Variants in DNER observed in about 807,000 individuals in gnomAD.
The protein encoded by DNER is delta and Notch-like epidermal growth factor-related receptor.
In DNER, 33 loss-of-function variants were observed where a neutral mutation model predicts 78.2. That is an observed-to-expected ratio of 0.42 (90% CI 0.32 to 0.56). The LOEUF is 0.56. DNER is among the 20% of genes least tolerant of loss of function. The probability of loss-of-function intolerance (pLI) is 0.11; values close to 1 mark genes in which losing one functional copy is unlikely to be tolerated. For missense variants in DNER, 918 were observed against 975.3 expected (o/e 0.94, Z 0.78); for synonymous variants, 417 against 384.8 (o/e 1.08, Z -0.98).
intron 5 of DNER, among the ~76,000 whole-genome samples, chr2:229,545,502 A>C (rs989796358): frequency 6.6e-6 from 1 of 152,222 alleles, no homozygotes; most frequent in African/African-American, 2.4e-5. Flanking sequence ...TTGAACCCAG[A>C]AGGTGAGGTT....
At chr2:229,415,668 C>T (rs1029054096) in intron 9 of DNER, among the ~76,000 whole-genome samples, 4 of 152,112 alleles carry the variant, frequency 2.6e-5, no homozygotes, top group Non-Finnish European at 5.9e-5. Context: ...GATTTAGTTC[C>T]TATTTGGTGG....
chr2:229,678,501 G>A (rs1430037941), intron 1 of DNER, among the ~76,000 whole-genome samples: 1 of 152,220 alleles, frequency 6.6e-6, no homozygotes, highest in Non-Finnish European at 1.5e-5. Context: ...GGTGTCCTGT[G>A]ACTGAGGGAA....
Position 229,547,003 on chromosome 2 carries a change from G to T in DNER, c.937C>A (p.His313Asn). Residue 313 changes from histidine to asparagine, a missense_variant, in exon 5 of 13, where the codon CAC becomes AAC. Coordinates refer to ENST00000341772, the MANE Select transcript of DNER (RefSeq NM_139072.4). ...KVSTCVPGES[H>N]ANDLECSGKG... ...CCTGAACACTCCAAGTCATTTGCGT[G>T]ACTCTCCCCCGGCACACAGGTGCTG... 6.2e-7 allele frequency: 1 copy of T among 1,614,162 alleles called. No individual in the cohort carries two copies. The highest frequency in any genetic ancestry group is 8.5e-7 in the Non-Finnish European group (1 of 1,180,016).
chr2:229,368,682 T>C (rs1692406635), intron 11 of DNER, among the ~76,000 whole-genome samples: 1 of 152,232 alleles, frequency 6.6e-6, no homozygotes, highest in South Asian at 2.1e-4. Flanking sequence ...AACTAAGCTC[T>C]TTAAAAACAG....
At chr2:229,709,992 G>C (rs1372401978) in intron 1 of DNER, among the ~76,000 whole-genome samples, 3 of 152,146 alleles carry the variant, frequency 2.0e-5, no homozygotes, top group African/African-American at 7.2e-5. Flanking sequence ...GAACAAGCAA[G>C]AGCGGCCTCA....
intron 1 of DNER, among the ~76,000 whole-genome samples, chr2:229,618,580 C>A (rs951823503): frequency 6.6e-6 from 1 of 152,172 alleles, no homozygotes; most frequent in African/African-American, 2.4e-5. Context: ...CACAGCCCAC[C>A]CCAGTGAATT....
chr2:229,699,544 TAGTAGAGA>T (rs1699710963), intron 1 of DNER, among the ~76,000 whole-genome samples: 1 of 152,312 alleles, frequency 6.6e-6, no homozygotes, highest in East Asian at 1.9e-4. Context: ...TTTGTATTTT[TAGTAGAGA>T]TAGGGTTTTG....
intron 6 of DNER, among the ~76,000 whole-genome samples, chr2:229,502,155 G>A (rs1263180438): frequency 1.3e-5 from 2 of 152,148 alleles, no homozygotes; most frequent in African/African-American, 2.4e-5. Context: ...CTGTCCTATC[G>A]AAAGGAAACC....
intron 7 of DNER, among the ~76,000 whole-genome samples, chr2:229,473,513 C>T (rs758702313): frequency 1.3e-5 from 2 of 152,076 alleles, no homozygotes; most frequent in Admixed American, 6.5e-5. Context: ...TGTGTGCTTC[C>T]TAGCATACAA....
chr2:229,534,000 C>A (rs773776693), intron 5 of DNER, among the ~76,000 whole-genome samples: 1 of 152,222 alleles, frequency 6.6e-6, no homozygotes, highest in Non-Finnish European at 1.5e-5. Flanking sequence ...ACTCAGTGAT[C>A]CAATGTTTTC....
At chr2:229,658,979 C>A (rs115047818) in intron 1 of DNER, among the ~76,000 whole-genome samples, 1 of 151,962 alleles carries the variant, frequency 6.6e-6, no homozygotes, top group African/African-American at 2.4e-5. Context: ...TTTTTTTTAA[C>A]GTATCACGTC....
At chr2:229,499,465 A>C (rs1240680593) in intron 6 of DNER, among the ~76,000 whole-genome samples, 2 of 150,458 alleles carry the variant, frequency 1.3e-5, no homozygotes, top group East Asian at 1.9e-4. Context: ...AAAAAAAGGA[A>C]ATTTAAAAAT....
Position 229,621,488 on chromosome 2 carries a change from C to T in DNER, c.277-29600G>A, listed in dbSNP as rs1047226435. Among the ~76,000 whole-genome samples the T allele has an allele frequency of 2.0e-5, 3 of 152,218 alleles. 1 individual carries two copies. The South Asian group carries it at 6.2e-4, about 32-fold the overall frequency. On this transcript the variant is annotated intron_variant, in intron 1 of 12. Coordinates refer to ENST00000341772, the MANE Select transcript of DNER (RefSeq NM_139072.4). ...CAGCCCTGCCCACCACAATACTCCCCACACTTCCCACCTGCTCCCAACAGG... is the reference window on the plus strand; with the variant it reads ...CAGCCCTGCCCACCACAATACTCCCTACACTTCCCACCTGCTCCCAACAGG...
intron 4 of DNER, among the ~76,000 whole-genome samples, chr2:229,576,425 G>A (rs928661736): frequency 6.7e-6 from 1 of 149,854 alleles, no homozygotes; most frequent in Non-Finnish European, 1.5e-5. Context: ...GGTAGATTGT[G>A]AAAACCTACA....
chr2:229,528,979 T>A (rs1696255641), intron 5 of DNER, among the ~76,000 whole-genome samples: 1 of 152,170 alleles, frequency 6.6e-6, no homozygotes, highest in African/African-American at 2.4e-5. Flanking sequence ...ATTAGCAGTC[T>A]GTGGATTTCA....
At chr2:229,558,899 C>A (rs548685889) in intron 4 of DNER, among the ~76,000 whole-genome samples, 11 of 152,256 alleles carry the variant, frequency 7.2e-5, no homozygotes, top group South Asian at 2.1e-4. Context: ...CACAACCGGT[C>A]TCATGAACCT....
At chr2:229,659,388 C>G (rs988126552) in intron 1 of DNER, among the ~76,000 whole-genome samples, 5 of 152,176 alleles carry the variant, frequency 3.3e-5, no homozygotes, top group Non-Finnish European at 7.4e-5. Context: ...TCTGCATATT[C>G]ATAAACATTT....
intron 11 of DNER, among the ~76,000 whole-genome samples, chr2:229,380,450 C>A (rs143543705): frequency 2.0e-5 from 3 of 152,106 alleles, no homozygotes; most frequent in African/African-American, 4.8e-5. Flanking sequence ...GGTGACAGAG[C>A]GCGGAAGGGA....
At chr2:229,566,077 AT>A (rs1386886008) in intron 4 of DNER, among the ~76,000 whole-genome samples, 1 of 152,162 alleles carries the variant, frequency 6.6e-6, no homozygotes, top group Non-Finnish European at 1.5e-5. Context: ...CTCTGTGTTG[AT>A]GTGAGGGGCA....
Sources: allele counts gnomAD v4.1 joint callset (sites outside exome capture counted in the v4.1 genomes callset), GRCh38; gene constraint gnomAD v4.1.1; transcripts MANE v1.5; gene names NCBI Gene and HGNC (gene_info 2026-07-23, HGNC 2026-07-21).